The following SRGAP3 variants were observed in gnomAD, a reference collection of about 807,000 sequenced individuals.
SRGAP3 encodes the protein SLIT-ROBO Rho GTPase activating protein 3.
Under a neutral mutation model 121.1 loss-of-function variants are expected in SRGAP3, and 39 were observed. The observed-to-expected ratio is 0.32, with a 90% confidence interval of 0.25 to 0.42. SRGAP3 has a LOEUF of 0.42. SRGAP3 is among the 10% of genes least tolerant of loss of function. SRGAP3 has a pLI of 1.00. For synonymous variants in SRGAP3, 601 were observed against 570.0 expected (o/e 1.05, Z -0.77); for missense variants, 1,213 against 1,470.6 (o/e 0.82, Z 2.86).
chr3:8,992,221 T>C (rs1942099012), intron 20 of SRGAP3, among the ~76,000 whole-genome samples: 1 of 152,314 alleles, frequency 6.6e-6, no homozygotes, highest in African/African-American at 2.4e-5. Flanking sequence ...ACATAGAATA[T>C]GACATTTTGA....
chr3:9,245,230 C>T (rs1953776870), intron 1 of SRGAP3, among the ~76,000 whole-genome samples: 1 of 152,180 alleles, frequency 6.6e-6, no homozygotes, highest in Non-Finnish European at 1.5e-5. Context: ...TTGGTTGAAC[C>T]TAAGTAGTGA....
intron 19 of SRGAP3, 136 bp downstream of exon 19, chr3:8,994,207 T>C (rs764567775): frequency 2.5e-5 from 28 of 1,130,662 alleles, no homozygotes; most frequent in African/African-American, 1.1e-4. Context: ...ATATTACCCA[T>C]TGTTAGAGAA....
rs75992887 is a variant in SRGAP3 at position 9,071,630 on chromosome 3, A to T, written c.487-7049T>A. Among the ~76,000 whole-genome samples, 1,432 of 149,278 alleles carry T rather than the reference A, an allele frequency of 9.6e-3. 18 individuals are homozygous for T. Among genetic ancestry groups the T allele is most frequent in the Middle Eastern group, 0.059 (17 of 286 alleles). ...CAAACCAGAAGTGGGAGAGAGACTG[A>T]TTCTCAAAGGTGGATGGATGGATGG... On this transcript the variant is annotated intron_variant, in intron 4 of 21. Coordinates refer to ENST00000383836, the MANE Select transcript of SRGAP3 (RefSeq NM_014850.4).
intron 1 of SRGAP3, among the ~76,000 whole-genome samples, chr3:9,351,557 G>C (rs2030154517): frequency 6.6e-6 from 1 of 152,154 alleles, no homozygotes; most frequent in Admixed American, 6.5e-5. Flanking sequence ...CCTCCCTGAG[G>C]GAAGAAGAAG....
At chr3:9,017,110 T>G (rs1462963290) in intron 14 of SRGAP3, among the ~76,000 whole-genome samples, 1 of 152,190 alleles carries the variant, frequency 6.6e-6, no homozygotes, top group Admixed American at 6.5e-5. Context: ...CTCTGTTTGC[T>G]TTTTGTAGGA....
intron 1 of SRGAP3, among the ~76,000 whole-genome samples, chr3:9,241,857 G>T (rs1953650640): frequency 6.6e-6 from 1 of 151,948 alleles, no homozygotes. Context: ...CGGGTGGATT[G>T]CTTGAGCTCA....
chr3:9,007,013 T>C (rs1021243349), intron 18 of SRGAP3: 2 of 145,770 alleles, frequency 1.4e-5, no homozygotes, highest in African/African-American at 5.2e-5. Flanking sequence ...CAGGCTGGAG[T>C]ACAGTGGCAC....
rs1954376972 is a variant in SRGAP3 at position 9,266,806 on chromosome 3, C to T, written n.442+59204G>A. ...AGGTGGGATGGTAATGAGGCCTTAC[C>T]AGGCCCCAATAAATACTGCAGCTGT... On this transcript the variant is annotated intron_variant and non_coding_transcript_variant, in intron 3 of 3. Coordinates refer to the SRGAP3 transcript ENST00000490889. Among the ~76,000 whole-genome samples, 3 of 152,280 alleles carry T rather than the reference C, an allele frequency of 2.0e-5. No homozygotes were observed. In the South Asian group the frequency reaches 6.2e-4, roughly 32 times the overall value.
intron 2 of SRGAP3, among the ~76,000 whole-genome samples, chr3:9,122,169 T>C (rs1458782742): frequency 2.0e-5 from 3 of 152,240 alleles, no homozygotes; most frequent in Non-Finnish European, 4.4e-5. Context: ...TTTGTTTTTA[T>C]TCTTAAAAGA....
rs137941205 is a variant in SRGAP3 at position 9,234,216 on chromosome 3, T to C, written c.67+14669A>G. ...CAAGAGGTCAAGGAGTAATCAACTA[T>C]AAGACGTCAGAAGCCAGAGAGTGAC... On this transcript the variant is annotated intron_variant, in intron 1 of 21. Coordinates refer to ENST00000383836, the MANE Select transcript of SRGAP3 (RefSeq NM_014850.4). Among the ~76,000 whole-genome samples the C allele has an allele frequency of 9.3e-3, 1,414 of 152,270 alleles. 23 individuals carry two copies. Among genetic ancestry groups the C allele is most frequent in the African/African-American group, 0.032 (1,347 of 41,540 alleles).
In SRGAP3 at chr3:9,047,353, C is replaced by T. The variant is rs116477211; in HGVS notation, c.1408+38G>A. ...GGCCACAGTGAGAGCCAGTGGGGAACGCAGCACCTCCCAGAGGGCCTCCAC... is the reference window on the plus strand; with the variant it reads ...GGCCACAGTGAGAGCCAGTGGGGAATGCAGCACCTCCCAGAGGGCCTCCAC... On this transcript the variant is annotated intron_variant, in intron 10 of 21. Transcript: ENST00000383836. 1.0e-3 allele frequency: 1,671 copies of T among 1,605,532 alleles called. 10 individuals are homozygous for T. In the African/African-American group the frequency reaches 0.016, roughly 15 times the overall value.
intron 1 of SRGAP3, among the ~76,000 whole-genome samples, chr3:9,238,837 A>C (rs1465627241): frequency 1.3e-5 from 2 of 152,160 alleles, no homozygotes; most frequent in African/African-American, 2.4e-5. Context: ...GGTGCCAGCA[A>C]ATTGCATGGA....
Position 8,985,473 on chromosome 3 carries a change from C to T in SRGAP3, c.*46G>A, listed in dbSNP as rs772868465. On this transcript the variant is annotated 3_prime_UTR_variant, in exon 22 of 22. Transcript: ENST00000383836. The surrounding 1 kb of genome is among the most constrained non-coding windows in gnomAD (Gnocchi z 5.1). ...GGAAGCCACCAAGGCCACCCTGGGC[C>T]GTGGTGAGCCACAGCGGGCCACGGC... 3.8e-6 allele frequency: 6 copies of T among 1,594,724 alleles called. No homozygotes were observed. The South Asian group carries it at 4.4e-5, about 12-fold the overall frequency.
chr3:9,163,273 C>T (rs1443015118), intron 1 of SRGAP3, among the ~76,000 whole-genome samples: 2 of 152,228 alleles, frequency 1.3e-5, no homozygotes, highest in Non-Finnish European at 2.9e-5. Context: ...TGGGAGAGAT[C>T]ACTTCCAACC....
intron 18 of SRGAP3, among the ~76,000 whole-genome samples, chr3:9,000,188 G>A (rs1380710079): frequency 2.0e-5 from 3 of 152,226 alleles, no homozygotes; most frequent in African/African-American, 7.2e-5. Context: ...ACCTGTTGCT[G>A]AGGCTAAGTC....
At chr3:9,032,281 T>C (rs915323521) in intron 12 of SRGAP3, among the ~76,000 whole-genome samples, 1 of 152,100 alleles carries the variant, frequency 6.6e-6, no homozygotes, top group African/African-American at 2.4e-5. Flanking sequence ...TCTTGGGAGA[T>C]GTAGGTGTGA....
At chr3:9,041,544 G>A (rs1202904232) in intron 10 of SRGAP3, among the ~76,000 whole-genome samples, 1 of 152,198 alleles carries the variant, frequency 6.6e-6, no homozygotes, top group Admixed American at 6.5e-5. Flanking sequence ...GCGTGAGCTT[G>A]GACAAGCCAC....
At chr3:9,284,436 GCTGT>G (rs1954731993) in intron 3 of SRGAP3, among the ~76,000 whole-genome samples, 1 of 152,232 alleles carries the variant, frequency 6.6e-6, no homozygotes, top group Non-Finnish European at 1.5e-5. Flanking sequence ...TCACCACCTT[GCTGT>G]CTAAGGTGCC....
At chr3:9,125,994 T>A (rs1360433528) in intron 1 of SRGAP3, among the ~76,000 whole-genome samples, 1 of 152,198 alleles carries the variant, frequency 6.6e-6, no homozygotes, top group Admixed American at 6.5e-5. Flanking sequence ...TGCCTAAATG[T>A]GTGCCCCGTC....
Sources: allele counts gnomAD v4.1 joint callset (sites outside exome capture counted in the v4.1 genomes callset), GRCh38; gene constraint gnomAD v4.1.1; non-coding constraint Gnocchi (gnomAD v3.1); transcripts MANE v1.5; gene names NCBI Gene and HGNC (gene_info 2026-07-23, HGNC 2026-07-21).